The following FHIT variants were observed in gnomAD, a reference collection of about 807,000 sequenced individuals.
FHIT encodes the protein bis(5'-adenosyl)-triphosphatase.
A neutral mutation model predicts 17.9 loss-of-function variants in FHIT; 19 were observed. That is an observed-to-expected ratio of 1.06 (90% confidence interval 0.74 to 1.56). FHIT has a LOEUF of 1.56. Among genes scored for constraint, FHIT ranks in the 40% most tolerant of loss-of-function variants. The probability of loss-of-function intolerance (pLI) is 0.00; values close to 1 mark genes in which losing one functional copy is unlikely to be tolerated. For missense variants in FHIT, 248 were observed against 189.2 expected (o/e 1.31, Z -1.82); for synonymous variants, 81 against 69.7 (o/e 1.16, Z -0.81).
intron 2 of FHIT, among the ~76,000 whole-genome samples, chr3:61,164,418 G>T (rs575030894): frequency 2.6e-5 from 4 of 152,160 alleles, no homozygotes; most frequent in Non-Finnish European, 5.9e-5. Flanking sequence ...AGCCATCTAG[G>T]TATCAACAAT....
chr3:60,446,403 T>A (rs79887153), intron 5 of FHIT, among the ~76,000 whole-genome samples: 1 of 152,076 alleles, frequency 6.6e-6, no homozygotes, highest in Non-Finnish European at 1.5e-5. Context: ...TTCATCCAAT[T>A]TGGAATTGAG....
chr3:61,140,987 G>C (rs1412128342), intron 2 of FHIT, among the ~76,000 whole-genome samples: 1 of 152,190 alleles, frequency 6.6e-6, no homozygotes, highest in African/African-American at 2.4e-5. Context: ...TGCATGTGTT[G>C]ATGTCAACTA....
chr3:60,305,257 C>T (rs1002127447), intron 5 of FHIT, among the ~76,000 whole-genome samples: 1 of 152,002 alleles, frequency 6.6e-6, no homozygotes, highest in African/African-American at 2.4e-5. Context: ...TGAAGAAGTC[C>T]TTGTCAATCA....
chr3:59,788,545 G>T (rs1303626939), intron 8 of FHIT, among the ~76,000 whole-genome samples: 1 of 152,066 alleles, frequency 6.6e-6, no homozygotes, highest in Non-Finnish European at 1.5e-5. Context: ...CCCTAAACAG[G>T]GCTAAAGGCA....
chr3:60,377,204 C>CTTT (rs34034610), intron 5 of FHIT, among the ~76,000 whole-genome samples: 1 of 140,528 alleles, frequency 7.1e-6, no homozygotes, highest in African/African-American at 2.6e-5. Flanking sequence ...AGCCATTAAG[C>CTTT]TTTTTTTTTT....
At chr3:60,963,915 G>A (rs1246473262) in intron 3 of FHIT, among the ~76,000 whole-genome samples, 3 of 152,170 alleles carry the variant, frequency 2.0e-5, no homozygotes, top group Non-Finnish European at 4.4e-5. Flanking sequence ...CTGTTGATTT[G>A]GGGTGGAGAG....
intron 5 of FHIT, among the ~76,000 whole-genome samples, chr3:60,415,163 G>A (rs539630797): frequency 3.3e-5 from 5 of 152,180 alleles, no homozygotes; most frequent in East Asian, 1.9e-4. Context: ...AAACCCAGAT[G>A]GATAATCTCT....
chr3:60,404,638 A>G (rs968959265), intron 5 of FHIT, among the ~76,000 whole-genome samples: 2 of 152,186 alleles, frequency 1.3e-5, no homozygotes, highest in African/African-American at 2.4e-5. Flanking sequence ...ATAGGCTTCA[A>G]AAGAACTAGG....
chr3:59,812,383 A>G (rs751496445), intron 8 of FHIT, among the ~76,000 whole-genome samples: 2 of 152,196 alleles, frequency 1.3e-5, no homozygotes, highest in African/African-American at 2.4e-5. Flanking sequence ...CAGGGGCTAG[A>G]TCTGAGTCAG....
At chr3:60,487,533 A>G (rs1445861859) in intron 5 of FHIT, among the ~76,000 whole-genome samples, 1 of 152,202 alleles carries the variant, frequency 6.6e-6, no homozygotes, top group Non-Finnish European at 1.5e-5. Flanking sequence ...TGGTTTGAAC[A>G]AAATGCAGAT....
intron 2 of FHIT, among the ~76,000 whole-genome samples, chr3:61,129,418 G>A (rs918462276): frequency 6.6e-6 from 1 of 152,152 alleles, no homozygotes; most frequent in Admixed American, 6.5e-5. Flanking sequence ...GATTGCACAG[G>A]GATGGAGGAC....
At chr3:61,242,297 A>C (rs1443264561) in intron 1 of FHIT, among the ~76,000 whole-genome samples, 2 of 152,068 alleles carry the variant, frequency 1.3e-5, no homozygotes, top group East Asian at 1.9e-4. Flanking sequence ...ACAACAAAAA[A>C]AAAAACACCT....
chr3:60,645,572 G>C (rs180796463), intron 4 of FHIT, among the ~76,000 whole-genome samples: 1 of 152,150 alleles, frequency 6.6e-6, no homozygotes, highest in East Asian at 1.9e-4. Flanking sequence ...ATCTTCTCTT[G>C]TCTCCTCTGG....
intron 1 of FHIT, among the ~76,000 whole-genome samples, chr3:61,235,861 T>C (rs1232007004): frequency 6.6e-6 from 1 of 152,190 alleles, no homozygotes; most frequent in Non-Finnish European, 1.5e-5. Context: ...TTAGAGAATG[T>C]AACTACCCCA....
chr3:59,975,902 C>G (rs990500254), intron 7 of FHIT, among the ~76,000 whole-genome samples: 1 of 152,094 alleles, frequency 6.6e-6, no homozygotes, highest in Admixed American at 6.6e-5. Flanking sequence ...TCTGGCTCCA[C>G]TTCCTTTACC....
chr3:61,208,909 C>A (rs2039351130), intron 1 of FHIT, among the ~76,000 whole-genome samples: 1 of 151,956 alleles, frequency 6.6e-6, no homozygotes. Flanking sequence ...TTCTTCCTAG[C>A]CTTGATGGTC....
intron 5 of FHIT, among the ~76,000 whole-genome samples, chr3:60,353,670 A>G (rs1699518294): frequency 6.6e-6 from 1 of 152,150 alleles, no homozygotes; most frequent in East Asian, 1.9e-4. Flanking sequence ...AAAAGTTACA[A>G]ATTAATAACA....
At chr3:59,753,774 A>C (rs1191757778) in intron 8 of FHIT, among the ~76,000 whole-genome samples, 1 of 152,120 alleles carries the variant, frequency 6.6e-6, no homozygotes, top group African/African-American at 2.4e-5. Context: ...TGTGGAGGAA[A>C]CTGAGTTCTG....
intron 1 of FHIT, among the ~76,000 whole-genome samples, chr3:61,208,251 A>G (rs139313721): frequency 0.44 from 66,092 of 151,640 alleles, 15,021 homozygotes; most frequent in East Asian, 0.58. Context: ...GGTCAATTTC[A>G]GAATAGGTGT....
Sources: allele counts gnomAD v4.1 joint callset (sites outside exome capture counted in the v4.1 genomes callset), GRCh38; gene constraint gnomAD v4.1.1; transcripts MANE v1.5; gene names NCBI Gene and HGNC (gene_info 2026-07-23, HGNC 2026-07-21).